The following STK33 variants were observed in gnomAD, a reference collection of about 807,000 sequenced individuals.
STK33 encodes the protein serine/threonine-protein kinase 33.
In STK33, 52 loss-of-function variants were observed where a neutral mutation model predicts 58.0. The ratio of observed to expected loss-of-function variants is 0.90; its 90% CI spans 0.72 to 1.13. STK33 has a LOEUF of 1.13. STK33 is among the 50% of genes most tolerant of loss of function. The pLI, the probability that STK33 is intolerant of heterozygous loss-of-function variation, is 0.00. For missense variants in STK33, 630 were observed against 604.2 expected (o/e 1.04, Z -0.45); for synonymous variants, 215 against 200.1 (o/e 1.07, Z -0.63).
intron 11 of STK33, among the ~76,000 whole-genome samples, chr11:8,443,275 AT>A (rs1944996997): frequency 6.6e-6 from 1 of 152,204 alleles, no homozygotes; most frequent in African/African-American, 2.4e-5. Context: ...ACACACAGAA[AT>A]TTTTATGCTC....
chr11:8,510,134 G>A (rs1159982642), intron 1 of STK33, among the ~76,000 whole-genome samples: 1 of 152,152 alleles, frequency 6.6e-6, no homozygotes, highest in Non-Finnish European at 1.5e-5. Context: ...GTGTAAAAGT[G>A]TTCCCTTTTC....
At chr11:8,556,477 A>G (rs1040087900) in intron 1 of STK33, among the ~76,000 whole-genome samples, 1 of 152,222 alleles carries the variant, frequency 6.6e-6, no homozygotes, top group Non-Finnish European at 1.5e-5. Context: ...TAAAAAGGTC[A>G]TAAGTACTAT....
chr11:8,448,779 A>C (rs1266605308), intron 11 of STK33, among the ~76,000 whole-genome samples: 2 of 152,226 alleles, frequency 1.3e-5, no homozygotes, highest in African/African-American at 4.8e-5. Flanking sequence ...CAAAATTGAC[A>C]AATGGGACCT....
intron 11 of STK33, among the ~76,000 whole-genome samples, chr11:8,450,829 AT>A (rs1415624002): frequency 1.3e-5 from 2 of 152,224 alleles, no homozygotes; most frequent in African/African-American, 2.4e-5. Context: ...AAAATTGATT[AT>A]GTAATTACTT....
intron 7 of STK33, among the ~76,000 whole-genome samples, chr11:8,463,863 C>T (rs763064252): frequency 1.3e-5 from 2 of 152,116 alleles, no homozygotes; most frequent in African/African-American, 2.4e-5. Flanking sequence ...GGAAATAACA[C>T]CTTAGGTAGC....
chr11:8,536,392 A>C (rs1955004043), intron 1 of STK33, among the ~76,000 whole-genome samples: 1 of 152,196 alleles, frequency 6.6e-6, no homozygotes, highest in African/African-American at 2.4e-5. Context: ...TAATTTTTTT[A>C]AAAGATCCAC....
chr11:8,456,300 A>T (rs982940734), intron 9 of STK33, among the ~76,000 whole-genome samples: 2 of 152,150 alleles, frequency 1.3e-5, no homozygotes, highest in Admixed American at 6.5e-5. Flanking sequence ...CCTTCAGTGA[A>T]TTCTTTCCTG....
intron 1 of STK33, among the ~76,000 whole-genome samples, chr11:8,501,504 A>G (rs971471900): frequency 7.2e-5 from 11 of 152,190 alleles, no homozygotes; most frequent in Non-Finnish European, 1.0e-4. Flanking sequence ...ATTCACTAGG[A>G]CAGCTATAGT....
intron 1 of STK33, among the ~76,000 whole-genome samples, chr11:8,507,007 T>C (rs570851085): frequency 1.1e-4 from 16 of 152,348 alleles, no homozygotes; most frequent in African/African-American, 2.9e-4. Flanking sequence ...AAACTAAATA[T>C]GGATTTATCT....
intron 11 of STK33, among the ~76,000 whole-genome samples, chr11:8,450,164 C>T (rs1946096907): frequency 6.6e-6 from 1 of 152,104 alleles, no homozygotes; most frequent in African/African-American, 2.4e-5. Context: ...GCCAAATGCC[C>T]ATCAATGATA....
intron 15 of STK33, among the ~76,000 whole-genome samples, chr11:8,399,258 A>C (rs1849946108): frequency 6.6e-6 from 1 of 152,236 alleles, no homozygotes; most frequent in Admixed American, 6.5e-5. Context: ...AGAAATTATA[A>C]CAAACTGTCT....
At chr11:8,354,519 C>T in the STK33 span, among the ~76,000 whole-genome samples, 44 of 148,958 alleles carry the variant, frequency 3.0e-4, no homozygotes, top group Non-Finnish European at 4.6e-4. Context: ...CACACACACC[C>T]CTCAGACACC....
At chr11:8,460,813 A>G (rs912350837) in intron 8 of STK33, among the ~76,000 whole-genome samples, 4 of 152,334 alleles carry the variant, frequency 2.6e-5, no homozygotes, top group South Asian at 2.1e-4. Flanking sequence ...TCTAAGACTG[A>G]AAAGGGCAGA....
chr11:8,395,346 C>G (rs1849152900), intron 15 of STK33, among the ~76,000 whole-genome samples: 1 of 152,218 alleles, frequency 6.6e-6, no homozygotes, highest in Admixed American at 6.5e-5. Context: ...CACACATTCT[C>G]TTGCCTGCTG....
rs1949102380 is a variant in STK33, at chr11:8,474,717, T to G, written c.189A>C (p.Lys63Asn). The change falls in exon 5 of 16, where the codon AAA becomes AAC. Residue 63 changes from lysine (K) to asparagine (N), a missense_variant. Lys to Asn is a moderately conservative substitution (Grantham distance 94, BLOSUM62 0). Coordinates refer to ENST00000687296, the MANE Select transcript of STK33 (RefSeq NM_001352389.2). Reference protein sequence around the residue: ...SLISLERKKEKNINRDITSRK... With the variant: ...SLISLERKKENNINRDITSRK... ...TGGAGGTTATATCTCTGTTGATATT[T>G]TTTTCTTTTTTTCTCTCCAGTGAAA... 1 of 1,611,614 alleles carries G rather than the reference T, an allele frequency of 6.2e-7. No homozygotes were observed. Among genetic ancestry groups the G allele is most frequent in the Admixed American group, 1.7e-5 (1 of 59,442 alleles).
At chr11:8,349,544 C>T in the STK33 span, among the ~76,000 whole-genome samples, 2 of 152,212 alleles carry the variant, frequency 1.3e-5, no homozygotes, top group Non-Finnish European at 2.9e-5. Flanking sequence ...AGCTCCTCCC[C>T]ACCTTTGAGG....
chr11:8,375,944 C>T, the STK33 span, among the ~76,000 whole-genome samples: 1 of 152,158 alleles, frequency 6.6e-6, no homozygotes, highest in Non-Finnish European at 1.5e-5. Context: ...TGGACTAATA[C>T]AAGGAGTCCT....
At chr11:8,433,619 C>T (rs1348411146) in intron 14 of STK33, among the ~76,000 whole-genome samples, 2 of 152,288 alleles carry the variant, frequency 1.3e-5, no homozygotes, top group African/African-American at 4.8e-5. Context: ...GATTCACCAT[C>T]CGTGTCCCAG....
the STK33 span, among the ~76,000 whole-genome samples, chr11:8,340,454 C>A: frequency 1.7e-3 from 263 of 152,338 alleles, 7 homozygotes; most frequent in East Asian, 0.045. Flanking sequence ...CTGGAGAACC[C>A]CTCCTCCATT....
Sources: allele counts gnomAD v4.1 joint callset (sites outside exome capture counted in the v4.1 genomes callset), GRCh38; gene constraint gnomAD v4.1.1; transcripts MANE v1.5; gene names NCBI Gene and HGNC (gene_info 2026-07-23, HGNC 2026-07-21).